The following ZFR variants were observed in gnomAD, a reference collection of about 807,000 sequenced individuals.
ZFR encodes the protein zinc finger RNA binding protein.
In ZFR, 19 loss-of-function variants were observed where a neutral mutation model predicts 130.7. The observed-to-expected ratio is 0.15, with a 90% confidence interval of 0.10 to 0.21. ZFR has a LOEUF of 0.21. ZFR is among the 10% of genes least tolerant of loss of function. The probability of loss-of-function intolerance (pLI) is 1.00; values close to 1 mark genes in which losing one functional copy is unlikely to be tolerated. For synonymous variants in ZFR, 466 were observed against 456.9 expected, an observed-to-expected ratio of 1.02 and a Z score of -0.25; for missense variants, 872 against 1,321.5, an observed-to-expected ratio of 0.66 and a Z score of 5.27.
At chr5:32,397,781 G>A (rs556696948) in intron 9 of ZFR, among the ~76,000 whole-genome samples, 3 of 143,868 alleles carry the variant, frequency 2.1e-5, no homozygotes, top group South Asian at 2.4e-4. Flanking sequence ...GATAGAAACT[G>A]TAGAAATGGG....
intron 17 of ZFR, among the ~76,000 whole-genome samples, chr5:32,367,472 A>G (rs1233119093): frequency 1.4e-5 from 2 of 147,648 alleles, no homozygotes; most frequent in Non-Finnish European, 1.5e-5. Context: ...AAGTAAATAA[A>G]TAAATAAATA....
At chr5:32,417,942 A>G in intron 3 of ZFR, 150 bp from the exon 4 acceptor site, 2 of 759,364 alleles carry the variant, frequency 2.6e-6, no homozygotes, top group Middle Eastern at 3.9e-4. Context: ...TTAAATACAC[A>G]GAAGATTCAT....
chr5:32,443,166 G>T (rs1365129091), intron 2 of ZFR, among the ~76,000 whole-genome samples: 1 of 152,074 alleles, frequency 6.6e-6, no homozygotes, highest in Non-Finnish European at 1.5e-5. Context: ...AACTGCCTGG[G>T]TTTAACCAAC....
chr5:32,440,482 AC>A (rs1459466218), intron 2 of ZFR, among the ~76,000 whole-genome samples: 2 of 152,062 alleles, frequency 1.3e-5, no homozygotes, highest in Non-Finnish European at 2.9e-5. Flanking sequence ...ACTCGTCTGT[AC>A]TAAAAATACA....
intron 2 of ZFR, among the ~76,000 whole-genome samples, chr5:32,442,152 G>A (rs183311172): frequency 1.1e-3 from 173 of 152,212 alleles, no homozygotes; most frequent in Middle Eastern, 6.8e-3. Flanking sequence ...AGTAAATAAA[G>A]TTAGTAATTC....
At chr5:32,396,469 G>A (rs554986135) in intron 10 of ZFR, among the ~76,000 whole-genome samples, 4 of 152,088 alleles carry the variant, frequency 2.6e-5, no homozygotes, top group African/African-American at 7.2e-5. Flanking sequence ...GGCCAGGCAC[G>A]GTGGCTCACG....
Position 32,415,485 on chromosome 5 carries a change from AGTGTGT to A in ZFR, c.566-304_566-299del, listed in dbSNP as rs3065262. 6.1e-3 allele frequency among the ~76,000 whole-genome samples: 836 copies of A among 136,294 alleles called. 6 individuals carry two copies. Among genetic ancestry groups the A allele is most frequent in the African/African-American group, 0.022 (783 of 36,286 alleles). 89.4% of individuals were successfully genotyped at this position (136,294 alleles called of 152,430 possible). A position where few individuals can be genotyped will look rare whatever the true frequency, so the allele number is the denominator to read the frequency against. On this transcript the variant is annotated intron_variant, in intron 4 of 19. Coordinates refer to ENST00000265069, the MANE Select transcript of ZFR (RefSeq NM_016107.5). The stretch of plus-strand genomic sequence containing the variant: ...CACTAAACAAACTTTTCTGAAAAGG[AGTGTGT>A]GTGTGTGTGTGTGTGTGTGTGTGTG...
chr5:32,396,136 T>C (rs1753304634), intron 10 of ZFR, among the ~76,000 whole-genome samples: 1 of 150,270 alleles, frequency 6.7e-6, no homozygotes, highest in South Asian at 2.1e-4. Context: ...GGAGGATCAC[T>C]GGAGCCCGGG....
intron 10 of ZFR, among the ~76,000 whole-genome samples, chr5:32,396,170 G>A (rs940007117): frequency 2.0e-5 from 3 of 150,782 alleles, no homozygotes; most frequent in African/African-American, 7.3e-5. Flanking sequence ...CCATGTTCAT[G>A]TCATCGTACT....
chr5:32,372,913 T>A (rs978369858), intron 17 of ZFR, among the ~76,000 whole-genome samples: 1 of 152,204 alleles, frequency 6.6e-6, no homozygotes, highest in Non-Finnish European at 1.5e-5. Flanking sequence ...TTATACCTTG[T>A]TGAGAGCAGA....
chr5:32,371,150 G>A (rs1278333156), intron 17 of ZFR, among the ~76,000 whole-genome samples: 1 of 152,104 alleles, frequency 6.6e-6, no homozygotes, highest in African/African-American at 2.4e-5. Context: ...CAAGAGGATC[G>A]CTTGAGCCCA....
intron 4 of ZFR, among the ~76,000 whole-genome samples, chr5:32,416,051 A>C (rs189670490): frequency 6.6e-6 from 1 of 152,010 alleles, no homozygotes; most frequent in East Asian, 1.9e-4. Context: ...CTGCAACCTC[A>C]AACTCCTGGA....
chr5:32,409,667 A>G (rs1753655524), intron 5 of ZFR, among the ~76,000 whole-genome samples: 1 of 152,178 alleles, frequency 6.6e-6, no homozygotes, highest in Non-Finnish European at 1.5e-5. Context: ...CGGCCTCTCC[A>G]AGTGCTGGGA....
intron 3 of ZFR, 42 bp from the exon 4 acceptor site, chr5:32,417,834 T>C (rs1224046993): frequency 1.6e-5 from 25 of 1,594,976 alleles, no homozygotes; most frequent in South Asian, 2.2e-5. Context: ...ATGAGACAAG[T>C]GGAAGGAAAA....
Position 32,380,109 on chromosome 5 carries a change from G to A in ZFR, c.2705C>T (p.Ala902Val). 6.2e-7 allele frequency: 1 copy of A among 1,614,110 alleles called. No homozygotes were observed. Among genetic ancestry groups the A allele is most frequent in the Non-Finnish European group, 8.5e-7 (1 of 1,179,954 alleles). ...CTTAGCGTGGCGTAGAGCAGCCAGAGCGTCAAGGCATTTTTGCCTGTCCAA... is the reference window on the plus strand; with the variant it reads ...CTTAGCGTGGCGTAGAGCAGCCAGAACGTCAAGGCATTTTTGCCTGTCCAA... Reference protein sequence around the residue: ...DVLDRQKCLDALAALRHAKWF... With the variant: ...DVLDRQKCLDVLAALRHAKWF... Residue 902 changes from alanine (A) to valine (V), a missense_variant, in exon 16 of 20, where the codon GCT (alanine) becomes GTT (valine). By Grantham distance (64) the Ala-to-Val change is moderately conservative. This residue lies in a region of ZFR where 158 missense variants were observed against 264.0 expected (regional missense o/e 0.60). Coordinates refer to ENST00000265069, the MANE Select transcript of ZFR (RefSeq NM_016107.5).
chr5:32,390,237 A>C (rs1753135235), intron 12 of ZFR, 38 bp downstream of exon 12: 2 of 1,588,754 alleles, frequency 1.3e-6, no homozygotes, highest in Admixed American at 3.5e-5. Flanking sequence ...TGAACCAGTC[A>C]AACTTTCACC....
intron 5 of ZFR, among the ~76,000 whole-genome samples, chr5:32,411,150 C>A (rs1423669): frequency 6.6e-6 from 1 of 152,222 alleles, no homozygotes; most frequent in Non-Finnish European, 1.5e-5. Context: ...CATGGCTGAC[C>A]GTGACTCTAG....
In ZFR at chr5:32,380,060, A is replaced by G. The variant is rs1752902724; in HGVS notation, c.2739+15T>C. The G allele has an allele frequency of 6.2e-7, 1 of 1,611,110 alleles. No homozygotes were observed. Among genetic ancestry groups the G allele is most frequent in the Non-Finnish European group, 8.5e-7 (1 of 1,177,568 alleles). The stretch of plus-strand genomic sequence containing the variant: ...TCATAAGGCTACAAGAAAAAAGTAA[A>G]ATGATGTTCCGAACCTGGAACCACT... On this transcript the variant is annotated intron_variant, in intron 16 of 19. Coordinates refer to ENST00000265069, the MANE Select transcript of ZFR (RefSeq NM_016107.5).
chr5:32,435,547 G>C (rs991793406), intron 2 of ZFR, among the ~76,000 whole-genome samples: 1 of 152,158 alleles, frequency 6.6e-6, no homozygotes, highest in African/African-American at 2.4e-5. Flanking sequence ...GTTTGGGAAT[G>C]GGCAGGATTG....
Sources: allele counts gnomAD v4.1 joint callset (sites outside exome capture counted in the v4.1 genomes callset), GRCh38; gene constraint gnomAD v4.1.1; regional missense constraint gnomAD v4.1.1; transcripts MANE v1.5; gene names NCBI Gene and HGNC (gene_info 2026-07-23, HGNC 2026-07-21).